Variants in CNTLN observed in about 807,000 individuals in gnomAD.
CNTLN encodes centlein.
In CNTLN, 212 loss-of-function variants were observed where a neutral mutation model predicts 180.0. The observed-to-expected ratio is 1.18, with a 90% CI of 1.05 to 1.32. The LOEUF (loss-of-function observed/expected upper bound fraction) is 1.32, where lower values mean the gene tolerates loss of function less well. Among genes scored for constraint, CNTLN ranks in the 40% most tolerant of loss-of-function variants. The probability of loss-of-function intolerance (pLI) is 0.00; values close to 1 mark genes in which losing one functional copy is unlikely to be tolerated. For missense variants in CNTLN, 2,095 were observed against 1,610.9 expected, an observed-to-expected ratio of 1.30 and a Z score of -5.14; for synonymous variants, 722 against 563.1, an observed-to-expected ratio of 1.28 and a Z score of -3.99.
chr9:17,492,456 T>A (rs1833217673), intron 25 of CNTLN, among the ~76,000 whole-genome samples: 1 of 152,150 alleles, frequency 6.6e-6, no homozygotes. Flanking sequence ...CTGTATCTAT[T>A]TGAAGTTAGC....
the CNTLN span, among the ~76,000 whole-genome samples, chr9:17,518,381 A>C: frequency 2.6e-5 from 4 of 152,062 alleles, no homozygotes; most frequent in African/African-American, 9.7e-5. Flanking sequence ...TATGCAGTAT[A>C]CTGTTTATGT....
intron 5 of CNTLN, among the ~76,000 whole-genome samples, chr9:17,263,621 G>A (rs1827180019): frequency 1.4e-5 from 2 of 146,994 alleles, no homozygotes; most frequent in South Asian, 4.7e-4. Context: ...TTGCCACACT[G>A]ACTTCCACAA....
chr9:17,303,936 A>T (rs1234684402), intron 7 of CNTLN, among the ~76,000 whole-genome samples: 3 of 152,140 alleles, frequency 2.0e-5, no homozygotes, highest in Admixed American at 6.6e-5. Context: ...TAAGAATCAG[A>T]TCTTAGTTTA....
intron 13 of CNTLN, among the ~76,000 whole-genome samples, chr9:17,379,125 G>A (rs969342878): frequency 1.6e-4 from 24 of 151,686 alleles, no homozygotes; most frequent in Admixed American, 1.2e-3. Flanking sequence ...GAATTCTGCT[G>A]TCATTCTTAC....
At chr9:17,451,477 T>C (rs904603226) in intron 18 of CNTLN, among the ~76,000 whole-genome samples, 5 of 152,196 alleles carry the variant, frequency 3.3e-5, no homozygotes, top group African/African-American at 7.2e-5. Context: ...TGGAAACAGA[T>C]CATTCTCGTT....
intron 5 of CNTLN, among the ~76,000 whole-genome samples, chr9:17,241,995 C>T (rs1235649943): frequency 2.0e-5 from 3 of 152,142 alleles, no homozygotes; most frequent in Non-Finnish European, 4.4e-5. Flanking sequence ...CATTGGCAAA[C>T]AAGGATGATT....
intron 23 of CNTLN, among the ~76,000 whole-genome samples, chr9:17,481,319 AC>A: frequency 6.6e-6 from 1 of 152,306 alleles, no homozygotes; most frequent in African/African-American, 2.4e-5. Flanking sequence ...TTTAGCCCCA[AC>A]AACTATGGGG....
At chr9:17,184,087 G>A (rs1037486737) in intron 2 of CNTLN, among the ~76,000 whole-genome samples, 3 of 152,098 alleles carry the variant, frequency 2.0e-5, no homozygotes, top group African/African-American at 7.2e-5. Flanking sequence ...AATCTGAAAT[G>A]TTCATCCCAC....
downstream of CNTLN, among the ~76,000 whole-genome samples, chr9:17,506,761 G>A (rs927744471): frequency 5.3e-5 from 8 of 152,072 alleles, no homozygotes; most frequent in Admixed American, 2.0e-4. Flanking sequence ...GAAAACATTT[G>A]AGAGAGCCTT....
chr9:17,348,428 C>G (rs10963056), intron 12 of CNTLN, among the ~76,000 whole-genome samples: 4 of 152,058 alleles, frequency 2.6e-5, no homozygotes, highest in African/African-American at 9.7e-5. Context: ...TCCCTTTTAC[C>G]TCTTTTCCTC....
At chr9:17,413,748 T>C (rs1459171001) in intron 16 of CNTLN, among the ~76,000 whole-genome samples, 1 of 152,170 alleles carries the variant, frequency 6.6e-6, no homozygotes, top group Non-Finnish European at 1.5e-5. Context: ...AAACTGGATC[T>C]CTCATATATT....
intron 13 of CNTLN, among the ~76,000 whole-genome samples, chr9:17,378,296 C>A (rs1040800502): frequency 6.6e-6 from 1 of 152,160 alleles, no homozygotes; most frequent in Non-Finnish European, 1.5e-5. Flanking sequence ...TCTCCTGCCT[C>A]AGTCTCCCAC....
At chr9:17,190,548 T>C (rs1821730088) in intron 2 of CNTLN, among the ~76,000 whole-genome samples, 1 of 152,196 alleles carries the variant, frequency 6.6e-6, no homozygotes, top group Admixed American at 6.5e-5. Flanking sequence ...GTTGTTGTTA[T>C]AGTGAGAGTT....
At chr9:17,307,652 T>C (rs1818812863) in intron 7 of CNTLN, among the ~76,000 whole-genome samples, 1 of 152,158 alleles carries the variant, frequency 6.6e-6, no homozygotes, top group East Asian at 1.9e-4. Flanking sequence ...TGGAGGGTCT[T>C]ATTTTTGTGA....
chr9:17,418,601 CTATT>C (rs1368824163), intron 18 of CNTLN, among the ~76,000 whole-genome samples: 1 of 151,888 alleles, frequency 6.6e-6, no homozygotes, highest in Non-Finnish European at 1.5e-5. Context: ...CTTTTCCTGC[CTATT>C]TATGGTAGAA....
chr9:17,317,065 A>G (rs1320868572), intron 8 of CNTLN, among the ~76,000 whole-genome samples: 1 of 152,104 alleles, frequency 6.6e-6, no homozygotes, highest in Non-Finnish European at 1.5e-5. Context: ...TAATGTTGAG[A>G]AGATATCATG....
In CNTLN at chr9:17,227,195, C is replaced by A. The variant is rs188827557; in HGVS notation, c.534+908C>A. Among the ~76,000 whole-genome samples, 767 of 151,874 alleles carry A rather than the reference C, an allele frequency of 5.1e-3. 5 individuals are homozygous for A. The highest frequency in any genetic ancestry group is 8.0e-3 in the Admixed American group (121 of 15,200). On this transcript the variant is annotated intron_variant, in intron 3 of 25. Coordinates refer to ENST00000380647, the MANE Select transcript of CNTLN (RefSeq NM_017738.4). ...TGACCCAAACACCCCTCACCAGCCCCCACTTTCAGCTTTGGGGATTACAAT... is the reference window on the plus strand; with the variant it reads ...TGACCCAAACACCCCTCACCAGCCCACACTTTCAGCTTTGGGGATTACAAT...
chr9:17,173,469 A>G (rs1184769840), intron 2 of CNTLN, among the ~76,000 whole-genome samples: 2 of 152,184 alleles, frequency 1.3e-5, no homozygotes, highest in Non-Finnish European at 2.9e-5. Flanking sequence ...TGTTTCTGCC[A>G]TAGTCTTAAA....
intron 2 of CNTLN, among the ~76,000 whole-genome samples, chr9:17,175,315 T>C (rs928151455): frequency 5.3e-5 from 8 of 152,160 alleles, no homozygotes; most frequent in African/African-American, 1.7e-4. Context: ...TTACTATTTG[T>C]TTAAGAAGAG....
Sources: allele counts gnomAD v4.1 joint callset (sites outside exome capture counted in the v4.1 genomes callset), GRCh38; gene constraint gnomAD v4.1.1; transcripts MANE v1.5; gene names NCBI Gene and HGNC (gene_info 2026-07-23, HGNC 2026-07-21).